PLCH2: variants seen among roughly 807,000 people sequenced by gnomAD.
PLCH2 encodes phospholipase C eta 2, also known as 1-phosphatidylinositol 4,5-bisphosphate phosphodiesterase eta-2.
PLCH2 carries 98 observed loss-of-function variants against 134.7 expected under a neutral mutation model. The ratio of observed to expected loss-of-function variants is 0.73; its 90% confidence interval spans 0.62 to 0.86. The LOEUF is 0.86. Ranked by LOEUF, PLCH2 falls within the 40% of genes least tolerant of loss-of-function variation. The pLI is 0.00. For synonymous variants in PLCH2, 974 were observed against 827.5 expected (o/e 1.18, Z -3.04); for missense variants, 1,994 against 1,986.6 (o/e 1.00, Z -0.07).
chr1:2,489,957 G>A, intron 10 of PLCH2, 90 bp downstream of exon 10: 1 of 985,884 alleles, frequency 1.0e-6, no homozygotes, highest in South Asian at 1.3e-5. Flanking sequence ...GAGTTAGAAA[G>A]GGAGGCATCC....
In PLCH2 at chr1:2,498,120, C is replaced by T. The variant is rs891902467; in HGVS notation, c.2225-403C>T. ...CTGGGCGAGCAGGCCTCCCACTAGA[C>T]CAGGCTACTCCTGCTGTGGACCAGC... On this transcript the variant is annotated intron_variant, in intron 16 of 21. Transcript: ENST00000378486. This position sits in a 1 kb window ranked among gnomAD's most constrained non-coding sequence, Gnocchi z 5.4. The T allele has an allele frequency of 3.9e-6, 1 of 253,738 alleles. No individual in the cohort carries two copies. Among genetic ancestry groups the T allele is most frequent in the Admixed American group, 5.0e-5 (1 of 19,908 alleles). The allele number at this position is 253,738 out of a possible 1,614,324, so 15.7% of individuals were successfully genotyped here.
intron 2 of PLCH2, among the ~76,000 whole-genome samples, chr1:2,460,291 G>A (rs1306857979): frequency 6.6e-6 from 1 of 152,262 alleles, no homozygotes; most frequent in African/African-American, 2.4e-5. Context: ...CCACTGCTCT[G>A]TGTCTCCCAG....
In PLCH2 at chr1:2,489,848, G is replaced by A. The variant is rs1410926780; in HGVS notation, c.1496G>A (p.Cys499Tyr). The A allele has an allele frequency of 1.9e-6, 3 of 1,611,672 alleles. No homozygotes were observed. The highest frequency in any genetic ancestry group is 2.2e-5 in the East Asian group (1 of 44,870). ...EDSADEIDDD[C>Y]KLLNGDASTN... ...AGTGCTGATGAGATTGACGATGACT[G>A]CAAGCTCCTCAATGGGGATGTGAGT... Residue 499 changes from cysteine (C) to tyrosine (Y), a missense_variant, in exon 10 of 22, where the codon TGC becomes TAC. Physicochemically the swap from Cys to Tyr is radical, Grantham distance 194. This residue lies in a region of PLCH2 where 1,094 missense variants were observed against 1,234.3 expected (regional missense o/e 0.89). Coordinates refer to ENST00000378486, the MANE Select transcript of PLCH2 (RefSeq NM_014638.4).
chr1:2,417,605 G>GAGT, the PLCH2 span, among the ~76,000 whole-genome samples: 1 of 152,184 alleles, frequency 6.6e-6, no homozygotes, highest in African/African-American at 2.4e-5. Context: ...GGGCTGTGGA[G>GAGT]AGTCCGGCCC....
At chr1:2,489,471 T>TA (rs1304019060) in intron 9 of PLCH2, 93 bp downstream of exon 9, 4 of 1,363,516 alleles carry the variant, frequency 2.9e-6, no homozygotes, top group Non-Finnish European at 4.1e-6. Flanking sequence ...CATCATGCCA[T>TA]CCATGGGCAT....
chr1:2,425,248 CACACACATACAT>C (rs1638732502), upstream of PLCH2, among the ~76,000 whole-genome samples: 2 of 142,530 alleles, frequency 1.4e-5, no homozygotes, highest in African/African-American at 6.0e-5. Flanking sequence ...ACATATGTAA[CACACACATACAT>C]ACACACATAT....
chr1:2,468,255 C>CCT (rs112479394), intron 1 of PLCH2, among the ~76,000 whole-genome samples: 11 of 152,368 alleles, frequency 7.2e-5, no homozygotes, highest in African/African-American at 2.6e-4. Flanking sequence ...TGCTGTGCGT[C>CCT]CTCAGGGTTC....
At chr1:2,420,329 C>T in the PLCH2 span, among the ~76,000 whole-genome samples, 506 of 152,304 alleles carry the variant, frequency 3.3e-3, 1 homozygote, top group African/African-American at 0.012. Context: ...CAGGACAAAG[C>T]TTCCCAGGTG....
At chr1:2,436,959 C>T (rs556386992) in intron 2 of PLCH2, among the ~76,000 whole-genome samples, 4 of 152,284 alleles carry the variant, frequency 2.6e-5, no homozygotes, top group South Asian at 4.1e-4. Flanking sequence ...CCAGGGTGCA[C>T]CTTGGGTGGG....
At position 2,494,882 on chromosome 1, in the gene PLCH2, T is replaced by C. The variant is rs2100710996; in HGVS notation, c.1686T>C (p.Ser562=). Residue 562 remains serine (S), a synonymous_variant, in exon 12 of 22, where the codon TCT becomes TCC. Transcript: ENST00000378486. ...RKSKAEEDVE[S]GEDAGASRRN... is the part of the protein sequence containing the mutation. ...GCAAGGCTGAAGAGGACGTGGAGTCTGGGGAGGATGCCGGGGCCAGCAGAC... is the reference window on the plus strand; with the variant it reads ...GCAAGGCTGAAGAGGACGTGGAGTCCGGGGAGGATGCCGGGGCCAGCAGAC... 3 of 1,607,070 alleles carry C rather than the reference T, an allele frequency of 1.9e-6. No individual in the cohort carries two copies. The highest frequency in any genetic ancestry group is 2.2e-5 in the East Asian group (1 of 44,678).
chr1:2,489,435 A>T, intron 9 of PLCH2, 57 bp downstream of exon 9: 1 of 1,565,448 alleles, frequency 6.4e-7, no homozygotes, highest in Non-Finnish European at 8.8e-7. Context: ...GGCCTGCAGC[A>T]GTGCCCTGCT....
chr1:2,446,523 A>G (rs986881710), intron 2 of PLCH2, among the ~76,000 whole-genome samples: 1 of 152,044 alleles, frequency 6.6e-6, no homozygotes, highest in African/African-American at 2.4e-5. Context: ...TCCGACTCCG[A>G]CCGCCCTCCG....
chr1:2,431,872 C>T (rs751155924), intron 2 of PLCH2, among the ~76,000 whole-genome samples: 2 of 152,130 alleles, frequency 1.3e-5, no homozygotes, highest in African/African-American at 2.4e-5. Context: ...CTGGGAGGCT[C>T]CTTCTTGGTT....
chr1:2,434,528 C>T (rs1639232364), intron 2 of PLCH2, among the ~76,000 whole-genome samples: 1 of 152,238 alleles, frequency 6.6e-6, no homozygotes, highest in African/African-American at 2.4e-5. Context: ...CCGCCAGGTG[C>T]GGGCGGCACA....
chr1:2,478,683 A>T, intron 2 of PLCH2, 61 bp downstream of exon 2: 1 of 1,500,624 alleles, frequency 6.7e-7, no homozygotes, highest in Non-Finnish European at 9.0e-7. Context: ...GACGGTAGGG[A>T]CCCTCCCAGG....
intron 21 of PLCH2, chr1:2,503,541 G>T: frequency 1.5e-6 from 1 of 679,612 alleles, no homozygotes. Context: ...CACGGAGCCC[G>T]CCCCACACCA....
chr1:2,420,050 G>T, the PLCH2 span, among the ~76,000 whole-genome samples: 1 of 141,976 alleles, frequency 7.0e-6, no homozygotes, highest in African/African-American at 2.7e-5. Flanking sequence ...GTACAGCTAT[G>T]GGGGTGGGGG....
At position 2,444,022 on chromosome 1, in the gene PLCH2, G is replaced by A. The variant is rs1639820148; in HGVS notation, c.115+13393G>A. ...CCGCTGCCAACCGGGATGCGCGGGTGGACGCGCGGGGGCGCCGCAGCCCTG... is the reference window on the plus strand; with the variant it reads ...CCGCTGCCAACCGGGATGCGCGGGTAGACGCGCGGGGGCGCCGCAGCCCTG... On this transcript the variant is annotated intron_variant, in intron 2 of 3. Coordinates refer to the PLCH2 transcript ENST00000609981. This position sits in a 1 kb window ranked among gnomAD's most constrained non-coding sequence, Gnocchi z 4.6. Among the ~76,000 whole-genome samples, 5 of 152,200 alleles carry A rather than the reference G, an allele frequency of 3.3e-5. No homozygotes were observed. The highest frequency in any genetic ancestry group is 2.0e-4 in the Admixed American group (3 of 15,286).
At chr1:2,433,788 G>T (rs1004383745) in intron 2 of PLCH2, among the ~76,000 whole-genome samples, 1 of 152,336 alleles carries the variant, frequency 6.6e-6, no homozygotes, top group East Asian at 1.9e-4. Context: ...CTCCTTCGTG[G>T]CTTTGGGTGC....
Sources: allele counts gnomAD v4.1 joint callset (sites outside exome capture counted in the v4.1 genomes callset), GRCh38; gene constraint gnomAD v4.1.1; regional missense constraint gnomAD v4.1.1; non-coding constraint Gnocchi (gnomAD v3.1); transcripts MANE v1.5; gene names NCBI Gene and HGNC (gene_info 2026-07-23, HGNC 2026-07-21).